TRDN: variants seen among roughly 807,000 people sequenced by gnomAD.
TRDN encodes triadin in skeletal muscle.
TRDN carries 161 observed loss-of-function variants against 149.7 expected under a neutral mutation model. That is an observed-to-expected ratio of 1.08 (90% CI 0.95 to 1.23). The LOEUF is 1.23. Ranked by LOEUF, TRDN falls within the 50% of genes most tolerant of loss-of-function variation. The pLI is 0.00. For missense variants in TRDN, 896 were observed against 823.5 expected (o/e 1.09, Z -1.08); for synonymous variants, 294 against 250.5 (o/e 1.17, Z -1.64).
At chr6:123,375,559 T>G in intron 19 of TRDN, 46 bp downstream of exon 19, 1 of 1,496,756 alleles carries the variant, frequency 6.7e-7, no homozygotes, top group Non-Finnish European at 9.0e-7. Context: ...TTCAAATGAG[T>G]AAGCTGCCCA....
intron 12 of TRDN, among the ~76,000 whole-genome samples, chr6:123,417,711 C>G (rs1773713209): frequency 6.6e-6 from 1 of 152,180 alleles, no homozygotes; most frequent in Non-Finnish European, 1.5e-5. Context: ...AGACAGCTGG[C>G]TAGGGGCAGA....
At chr6:123,268,155 T>A (rs1264131388) in intron 31 of TRDN, among the ~76,000 whole-genome samples, 1 of 152,010 alleles carries the variant, frequency 6.6e-6, no homozygotes, top group Non-Finnish European at 1.5e-5. Context: ...CCTCTTTGAA[T>A]CCTAGTAACC....
At chr6:123,379,859 C>A (rs1781647915) in intron 16 of TRDN, among the ~76,000 whole-genome samples, 1 of 152,044 alleles carries the variant, frequency 6.6e-6, no homozygotes, top group African/African-American at 2.4e-5. Flanking sequence ...ACAGGATGGT[C>A]TCTTGTACTT....
At chr6:123,519,927 A>G (rs1445681614) in intron 5 of TRDN, among the ~76,000 whole-genome samples, 1 of 152,110 alleles carries the variant, frequency 6.6e-6, no homozygotes, top group East Asian at 1.9e-4. Context: ...GTAGGTGAAC[A>G]TTTCAAACAG....
intron 8 of TRDN, chr6:123,502,452 T>C (rs555965101): frequency 1.5e-6 from 1 of 645,958 alleles, no homozygotes; most frequent in Admixed American, 6.3e-5. Flanking sequence ...ATTTAAAGGT[T>C]TGTAGATCAC....
At chr6:123,443,248 T>A (rs550376825) in intron 10 of TRDN, among the ~76,000 whole-genome samples, 45 of 149,404 alleles carry the variant, frequency 3.0e-4, no homozygotes, top group African/African-American at 9.3e-4. Flanking sequence ...TTATATATAT[T>A]TTTTTGGACA....
chr6:123,534,167 A>G (rs1780402864), intron 4 of TRDN, among the ~76,000 whole-genome samples: 1 of 152,174 alleles, frequency 6.6e-6, no homozygotes, highest in Non-Finnish European at 1.5e-5. Flanking sequence ...ACAAACTTAC[A>G]TAGGCAGATT....
At chr6:123,472,438 C>T (rs982450469) in intron 9 of TRDN, among the ~76,000 whole-genome samples, 5 of 152,326 alleles carry the variant, frequency 3.3e-5, no homozygotes, top group East Asian at 3.9e-4. Flanking sequence ...CCTACGCCCA[C>T]GGAATCTCGC....
At chr6:123,374,755 CAGAG>C (rs1781444269) in intron 19 of TRDN, among the ~76,000 whole-genome samples, 1 of 150,838 alleles carries the variant, frequency 6.6e-6, no homozygotes, top group South Asian at 2.1e-4. Flanking sequence ...AGCCTGGTGA[CAGAG>C]AAAGACTCCA....
intron 38 of TRDN, among the ~76,000 whole-genome samples, chr6:123,243,268 C>T (rs1266646719): frequency 6.6e-6 from 1 of 152,112 alleles, no homozygotes; most frequent in East Asian, 1.9e-4. Flanking sequence ...TCACCATGGT[C>T]ACTAAGGAGG....
chr6:123,636,547 T>A (rs1234874006), intron 1 of TRDN, among the ~76,000 whole-genome samples: 1 of 151,920 alleles, frequency 6.6e-6, no homozygotes, highest in Admixed American at 6.6e-5. Flanking sequence ...CATGCAAAAT[T>A]TAAGAGAAAT....
At chr6:123,305,775 T>C (rs1251000331) in intron 24 of TRDN, among the ~76,000 whole-genome samples, 2 of 152,178 alleles carry the variant, frequency 1.3e-5, no homozygotes, top group Non-Finnish European at 2.9e-5. Flanking sequence ...GTTGGTAACT[T>C]GACATATCTT....
intron 19 of TRDN, among the ~76,000 whole-genome samples, chr6:123,374,720 A>G (rs1400260834): frequency 6.6e-6 from 1 of 152,104 alleles, no homozygotes; most frequent in Non-Finnish European, 1.5e-5. Flanking sequence ...AGGTGCAGTG[A>G]GCCAAGATCA....
At chr6:123,454,661 G>T (rs1775992958) in intron 10 of TRDN, among the ~76,000 whole-genome samples, 1 of 152,170 alleles carries the variant, frequency 6.6e-6, no homozygotes, top group African/African-American at 2.4e-5. Context: ...CAGGAGGTGA[G>T]CAGAGTGCAA....
At chr6:123,579,855 G>A (rs1289031014) in intron 1 of TRDN, among the ~76,000 whole-genome samples, 1 of 152,120 alleles carries the variant, frequency 6.6e-6, no homozygotes, top group African/African-American at 2.4e-5. Context: ...TTTTATAAGG[G>A]GCTCTGCCCC....
chr6:123,506,227 G>A (rs957231390), intron 7 of TRDN, among the ~76,000 whole-genome samples: 2 of 152,066 alleles, frequency 1.3e-5, no homozygotes, highest in South Asian at 4.1e-4. Flanking sequence ...CTAGTTGCTG[G>A]AGCTCTAAAA....
At chr6:123,446,479 G>T (rs180848496) in intron 10 of TRDN, among the ~76,000 whole-genome samples, 1 of 151,434 alleles carries the variant, frequency 6.6e-6, no homozygotes, top group Admixed American at 6.6e-5. Flanking sequence ...CAGCTGCTCC[G>T]GAGGCTGAAG....
chr6:123,464,582 T>C, intron 10 of TRDN: 18 of 1,037,080 alleles, frequency 1.7e-5, no homozygotes, highest in Non-Finnish European at 2.1e-5. Flanking sequence ...GAGACTAAAT[T>C]GATCAAGTTG....
chr6:123,271,540 G>T (rs1199698905), intron 29 of TRDN, among the ~76,000 whole-genome samples: 2 of 151,930 alleles, frequency 1.3e-5, no homozygotes, highest in Admixed American at 6.6e-5. Context: ...AATTAGAATA[G>T]GAAGGAGCAA....
Sources: gnomAD v4.1 joint callset for allele counts (sites outside exome capture counted in the v4.1 genomes callset) on GRCh38, gnomAD v4.1.1 for gene constraint, MANE v1.5 for transcripts, NCBI Gene and HGNC (gene_info 2026-07-23, HGNC 2026-07-21) for gene names.